CPNE3: variants seen among roughly 807,000 people sequenced by gnomAD.
CPNE3 encodes the protein copine 3, also known as copine-3.
CPNE3 carries 68 observed loss-of-function variants against 63.9 expected under a neutral mutation model. That is an observed-to-expected ratio of 1.06 (90% CI 0.87 to 1.30). The LOEUF (loss-of-function observed/expected upper bound fraction) is 1.30, where lower values mean the gene tolerates loss of function less well. Among genes scored for constraint, CPNE3 ranks in the 50% most tolerant of loss-of-function variants. The pLI, the probability that CPNE3 is intolerant of heterozygous loss-of-function variation, is 0.00. For missense variants in CPNE3, 665 were observed against 578.1 expected (o/e 1.15, Z -1.54); for synonymous variants, 219 against 197.5 (o/e 1.11, Z -0.91).
chr8:86,532,664 C>T, intron 6 of CPNE3, 84 bp downstream of exon 6: 1 of 1,181,804 alleles, frequency 8.5e-7, no homozygotes, highest in East Asian at 2.4e-5. Flanking sequence ...ATATCATGAA[C>T]TCCATCATTG....
At chr8:86,543,197 A>G (rs1359747291) in intron 8 of CPNE3, among the ~76,000 whole-genome samples, 1 of 152,118 alleles carries the variant, frequency 6.6e-6, no homozygotes, top group Non-Finnish European at 1.5e-5. Flanking sequence ...TAAAAATTGG[A>G]TACTGAGTAG....
chr8:86,524,751 G>A (rs1003560199), intron 2 of CPNE3: 3 of 138,320 alleles, frequency 2.2e-5, no homozygotes, highest in Non-Finnish European at 4.6e-5. Flanking sequence ...AGCTTACTGT[G>A]GCCTCGAACT....
At position 86,560,141 on chromosome 8, in the gene CPNE3, A is replaced by G. The variant is rs1401204407; in HGVS notation, c.*1731A>G. The G allele has an allele frequency of 6.6e-6, 1 of 152,246 alleles. No homozygotes were observed. Among genetic ancestry groups the G allele is most frequent in the Non-Finnish European group, 1.5e-5 (1 of 68,048 alleles). 9.4% of individuals were successfully genotyped at this position (152,246 alleles called of 1,614,324 possible). A position where few individuals can be genotyped will look rare whatever the true frequency, so the allele number is the denominator to read the frequency against. On this transcript the variant is annotated 3_prime_UTR_variant, in exon 17 of 17. Coordinates refer to ENST00000517490, the MANE Select transcript of CPNE3 (RefSeq NM_003909.5). ...GCCTGCTACTCCATAGTATGGCTCAATAGATGACACATCATTTTGACATTA... is the reference window on the plus strand; with the variant it reads ...GCCTGCTACTCCATAGTATGGCTCAGTAGATGACACATCATTTTGACATTA...
intron 2 of CPNE3, among the ~76,000 whole-genome samples, chr8:86,527,524 A>G (rs73265783): frequency 0.12 from 17,829 of 152,166 alleles, 2,694 homozygotes; most frequent in African/African-American, 0.35. Context: ...AAGATGGGCC[A>G]CACCTTCTCT....
chr8:86,546,864 C>T (rs1821064793), intron 10 of CPNE3, among the ~76,000 whole-genome samples, 183 bp downstream of exon 10: 1 of 152,166 alleles, frequency 6.6e-6, no homozygotes, highest in Non-Finnish European at 1.5e-5. Context: ...GCACCCACCA[C>T]TACACCTGGC....
intron 11 of CPNE3, 50 bp from the exon 12 acceptor site, chr8:86,548,251 C>T (rs771961995): frequency 1.9e-6 from 3 of 1,600,776 alleles, no homozygotes; most frequent in Non-Finnish European, 2.6e-6. Context: ...ACATCAAGCA[C>T]AGGTGTCCCT....
intron 7 of CPNE3, among the ~76,000 whole-genome samples, chr8:86,538,278 G>T (rs1820850454): frequency 6.6e-6 from 1 of 152,112 alleles, no homozygotes. Context: ...AGGAAACTGA[G>T]GCACAAGAAT....
In CPNE3 at chr8:86,559,281, AAAGAT is replaced by A. The variant is rs1340997721; in HGVS notation, c.*876_*880del. 6.6e-6 allele frequency: 1 copy of A among 152,184 alleles called. No individual in the cohort carries two copies. The highest frequency in any genetic ancestry group is 1.5e-5 in the Non-Finnish European group (1 of 68,038). 9.4% of individuals were successfully genotyped at this position (152,184 alleles called of 1,614,324 possible). The stretch of plus-strand genomic sequence containing the variant: ...AACGGTTAGGACTGTTTTGTCCAGG[AAAGAT>A]AAGAGGACCAAACATATAAGGTGAA... On this transcript the variant is annotated 3_prime_UTR_variant, in exon 17 of 17. Transcript: ENST00000517490.
At chr8:86,526,913 G>A (rs1285000767) in intron 2 of CPNE3, among the ~76,000 whole-genome samples, 1 of 152,090 alleles carries the variant, frequency 6.6e-6, no homozygotes, top group Admixed American at 6.5e-5. Context: ...ATTGATTTTT[G>A]ACATATGTTG....
chr8:86,519,833 C>T (rs1820392814), intron 2 of CPNE3, among the ~76,000 whole-genome samples: 1 of 152,204 alleles, frequency 6.6e-6, no homozygotes, highest in Non-Finnish European at 1.5e-5. Flanking sequence ...CCTGCCTCAG[C>T]CTCCCATGTA....
At chr8:86,537,442 T>C in intron 6 of CPNE3, 121 bp from the exon 7 acceptor site, 1 of 654,514 alleles carries the variant, frequency 1.5e-6, no homozygotes, top group African/African-American at 1.8e-5. Flanking sequence ...GGATGTATAT[T>C]TACTATCAAT....
chr8:86,514,717 C>A (rs1335178543), intron 1 of CPNE3, 176 bp downstream of exon 1: 1 of 152,176 alleles, frequency 6.6e-6, no homozygotes, highest in Non-Finnish European at 1.5e-5. Flanking sequence ...AGCTGGGGAT[C>A]GGCAGGTCGC....
chr8:86,546,221 G>A (rs1821047235), intron 9 of CPNE3, among the ~76,000 whole-genome samples: 1 of 151,756 alleles, frequency 6.6e-6, no homozygotes, highest in Admixed American at 6.6e-5. Flanking sequence ...TAACAGCTAG[G>A]AGTAATATTT....
rs146607930 is a variant in CPNE3, at chr8:86,548,371, A to G, written c.950A>G (p.Asn317Ser). ...SPDSLHYISP[N>S]GVNEYLTALW... ...GACTCCCTTCATTACATCAGCCCCA[A>G]TGGCGTTAATGAGTATTTGACTGCT... Residue 317 changes from asparagine to serine, a missense_variant, in exon 12 of 17, where the codon AAT becomes AGT. Physicochemically the swap from Asn to Ser is conservative, Grantham distance 46. Coordinates refer to ENST00000517490, the MANE Select transcript of CPNE3 (RefSeq NM_003909.5). The G allele has an allele frequency of 6.6e-5, 106 of 1,614,178 alleles. No individual in the cohort carries two copies. In the African/African-American group the frequency reaches 9.9e-4, roughly 15 times the overall value.
chr8:86,522,712 A>G (rs979703268), intron 2 of CPNE3, among the ~76,000 whole-genome samples: 1 of 152,074 alleles, frequency 6.6e-6, no homozygotes, highest in Admixed American at 6.5e-5. Context: ...GCGGTCAGGC[A>G]GGATGTACTG....
At chr8:86,519,967 C>T (rs1487879213) in intron 2 of CPNE3, among the ~76,000 whole-genome samples, 2 of 152,234 alleles carry the variant, frequency 1.3e-5, no homozygotes, top group East Asian at 1.9e-4. Flanking sequence ...CCGCCTCAGC[C>T]TCCCAAAGTG....
intron 2 of CPNE3, among the ~76,000 whole-genome samples, chr8:86,527,403 T>G (rs965418327): frequency 1.3e-5 from 2 of 152,186 alleles, no homozygotes; most frequent in African/African-American, 2.4e-5. Context: ...CCAGCCCCTA[T>G]CATATGCTCC....
Position 86,558,292 on chromosome 8 carries a change from CA to C in CPNE3, c.1500del (p.Glu501LysfsTer107), listed in dbSNP as rs1821365189. 1 of 872,864 alleles carries C rather than the reference CA, an allele frequency of 1.1e-6. No homozygotes were observed. Among genetic ancestry groups the C allele is most frequent in the Non-Finnish European group, 2.0e-6 (1 of 501,626 alleles). The allele number at this position is 872,864 out of a possible 1,614,324, so 54.1% of individuals were successfully genotyped here. Reference sequence around the variant, plus strand: ...TTTTATTTTGTTTTTCACAAGGCTCCAAAAGAAGCACTTGCTCAGTGTGTCT... The same window carrying C: ...TTTTATTTTGTTTTTCACAAGGCTCCAAAGAAGCACTTGCTCAGTGTGTCT... Reference protein sequence around the residue: ...FVPFRQFQNAPKEALAQCVLA... With the variant: ...FVPFRQFQNAXKEALAQCVLA... On this transcript the variant is annotated frameshift_variant, in exon 17 of 17. Coordinates refer to ENST00000517490, the MANE Select transcript of CPNE3 (RefSeq NM_003909.5). LOFTEE classifies it high-confidence loss of function.
intron 9 of CPNE3, 137 bp from the exon 10 acceptor site, chr8:86,546,458 T>G (rs1315655196): frequency 1.3e-6 from 1 of 785,774 alleles, no homozygotes; most frequent in East Asian, 2.8e-5. Flanking sequence ...TGTAATTGTT[T>G]CAGAGTTATA....
Sources: allele counts gnomAD v4.1 joint callset (sites outside exome capture counted in the v4.1 genomes callset), GRCh38; gene constraint gnomAD v4.1.1; transcripts MANE v1.5; gene names NCBI Gene and HGNC (gene_info 2026-07-23, HGNC 2026-07-21).